The following LRP1B variants were observed in gnomAD, a reference collection of about 807,000 sequenced individuals.
The protein encoded by LRP1B is low-density lipoprotein receptor-related protein 1B.
In LRP1B, 217 loss-of-function variants were observed where a neutral mutation model predicts 556.6. The ratio of observed to expected loss-of-function variants is 0.39; its 90% confidence interval spans 0.35 to 0.44. The LOEUF is 0.44. Ranked by LOEUF, LRP1B falls within the 20% of genes least tolerant of loss-of-function variation. The pLI is 1.00. For synonymous variants in LRP1B, 2,047 were observed against 1,865.8 expected (o/e 1.10, Z -2.50); for missense variants, 5,053 against 5,620.8 (o/e 0.90, Z 3.23).
chr2:142,008,804 A>G (rs1702872234), intron 1 of LRP1B, among the ~76,000 whole-genome samples: 1 of 152,036 alleles, frequency 6.6e-6, no homozygotes, highest in Non-Finnish European at 1.5e-5. Flanking sequence ...CTTACATGTT[A>G]TATGTAAAGC....
At chr2:140,281,998 GA>G (rs66467149) in intron 84 of LRP1B, among the ~76,000 whole-genome samples, 54,479 of 150,590 alleles carry the variant, frequency 0.36, 11,355 homozygotes, top group Non-Finnish European at 0.49. Context: ...ATAAGGAAAA[GA>G]AAAAAAAATG....
chr2:141,623,490 T>G (rs1688578914), intron 2 of LRP1B, among the ~76,000 whole-genome samples: 1 of 152,182 alleles, frequency 6.6e-6, no homozygotes, highest in African/African-American at 2.4e-5. Flanking sequence ...GCCTTTATCT[T>G]TTCTAATTTC....
intron 3 of LRP1B, among the ~76,000 whole-genome samples, chr2:141,277,663 TC>T (rs1390160078): frequency 6.0e-5 from 9 of 149,422 alleles, no homozygotes; most frequent in African/African-American, 2.0e-4. Flanking sequence ...TTGTTTTTCA[TC>T]CTTTTTTTTT....
intron 1 of LRP1B, among the ~76,000 whole-genome samples, chr2:141,908,036 T>A (rs1375098095): frequency 2.6e-5 from 4 of 152,050 alleles, no homozygotes; most frequent in African/African-American, 9.7e-5. Flanking sequence ...TAAACTGAAT[T>A]TTAATCACTT....
At chr2:140,341,556 A>G (rs1681391735) in intron 77 of LRP1B, among the ~76,000 whole-genome samples, 1 of 151,452 alleles carries the variant, frequency 6.6e-6, no homozygotes, top group South Asian at 2.1e-4. Context: ...CTTTTTAATA[A>G]AAGAGCTTTG....
intron 20 of LRP1B, among the ~76,000 whole-genome samples, chr2:140,949,742 C>G (rs564207289): frequency 4.6e-5 from 7 of 151,726 alleles, no homozygotes; most frequent in African/African-American, 1.4e-4. Flanking sequence ...AGATCGAGAC[C>G]ATCCTGGCTA....
At chr2:141,282,763 A>T (rs1685556665) in intron 3 of LRP1B, among the ~76,000 whole-genome samples, 1 of 152,100 alleles carries the variant, frequency 6.6e-6, no homozygotes, top group South Asian at 2.1e-4. Flanking sequence ...TGATTGTAGA[A>T]GTGTCCATGG....
intron 2 of LRP1B, among the ~76,000 whole-genome samples, chr2:141,710,935 T>C (rs1389978388): frequency 6.6e-6 from 1 of 152,214 alleles, no homozygotes; most frequent in Admixed American, 6.5e-5. Flanking sequence ...CTACATTAGA[T>C]TGATTTTGTA....
At chr2:140,532,694 C>T (rs1340214277) in intron 47 of LRP1B, among the ~76,000 whole-genome samples, 1 of 151,878 alleles carries the variant, frequency 6.6e-6, no homozygotes, top group Non-Finnish European at 1.5e-5. Flanking sequence ...CACGCCTGGC[C>T]CTTCTGTTTT....
At chr2:141,646,902 C>T (rs912375522) in intron 2 of LRP1B, among the ~76,000 whole-genome samples, 1 of 152,132 alleles carries the variant, frequency 6.6e-6, no homozygotes, top group African/African-American at 2.4e-5. Flanking sequence ...AAGGGGGGAA[C>T]AAGCTCCAGC....
At chr2:141,473,854 T>A (rs887065673) in intron 3 of LRP1B, among the ~76,000 whole-genome samples, 6 of 152,176 alleles carry the variant, frequency 3.9e-5, no homozygotes, top group Non-Finnish European at 8.8e-5. Context: ...GTTTTGGAAT[T>A]CTGCATGCTG....
intron 1 of LRP1B, among the ~76,000 whole-genome samples, chr2:142,084,728 G>C (rs981008682): frequency 2.0e-5 from 3 of 151,974 alleles, no homozygotes; most frequent in African/African-American, 7.3e-5. Flanking sequence ...TTACCTAATT[G>C]GTCCCTTCGC....
rs371026964 is a variant in LRP1B at position 141,872,047 on chromosome 2, G to C, written c.83-61646C>G. Among the ~76,000 whole-genome samples, 23 of 151,984 alleles carry C rather than the reference G, an allele frequency of 1.5e-4. No individual in the cohort carries two copies. The East Asian group carries it at 2.7e-3, about 18-fold the overall frequency. Reference sequence around the variant, plus strand: ...TCTTCAAGAGAGATTCTCAGAATAAGACATGTCTCAAACTTAGTAGATGAG... The same window carrying C: ...TCTTCAAGAGAGATTCTCAGAATAACACATGTCTCAAACTTAGTAGATGAG... On this transcript the variant is annotated intron_variant, in intron 1 of 90. Transcript: ENST00000389484.
At chr2:141,519,403 GAAA>G (rs1166987223) in intron 2 of LRP1B, among the ~76,000 whole-genome samples, 1,142 of 10,656 alleles carry the variant, frequency 0.11, 50 homozygotes, top group South Asian at 0.3. Context: ...ATATATATAT[GAAA>G]TGCAATATTT....
chr2:142,016,924 GTATGTATA>G (rs1034248842), intron 1 of LRP1B, among the ~76,000 whole-genome samples: 45 of 72,194 alleles, frequency 6.2e-4, no homozygotes, highest in African/African-American at 1.6e-3. Flanking sequence ...ATATGTATAT[GTATGTATA>G]TATGTATATA....
At chr2:140,912,412 ATAATAG>A (rs1490222779) in intron 21 of LRP1B, among the ~76,000 whole-genome samples, 1 of 151,676 alleles carries the variant, frequency 6.6e-6, no homozygotes, top group African/African-American at 2.4e-5. Flanking sequence ...GTAGTTATTA[ATAATAG>A]TAAAACATAT....
At chr2:141,030,740 A>G (rs1244750565) in intron 11 of LRP1B, among the ~76,000 whole-genome samples, 3 of 152,096 alleles carry the variant, frequency 2.0e-5, no homozygotes, top group Non-Finnish European at 4.4e-5. Flanking sequence ...TAAATATAGC[A>G]TACTATACTA....
chr2:141,515,921 T>G (rs2105161877), intron 2 of LRP1B, among the ~76,000 whole-genome samples: 1 of 152,286 alleles, frequency 6.6e-6, no homozygotes, highest in African/African-American at 2.4e-5. Context: ...AGAGAAAAAC[T>G]TACATTCAGC....
At chr2:141,017,297 A>G (rs1278898281) in intron 12 of LRP1B, among the ~76,000 whole-genome samples, 2 of 151,784 alleles carry the variant, frequency 1.3e-5, no homozygotes, top group African/African-American at 4.8e-5. Context: ...ATCTCTATTG[A>G]TATTTTCCTG....
Sources: allele counts gnomAD v4.1 joint callset (sites outside exome capture counted in the v4.1 genomes callset), GRCh38; gene constraint gnomAD v4.1.1; transcripts MANE v1.5; gene names NCBI Gene and HGNC (gene_info 2026-07-23, HGNC 2026-07-21).